Variants in MTHFD1 observed in about 807,000 individuals in gnomAD.
MTHFD1 encodes C-1-tetrahydrofolate synthase, cytoplasmic.
In MTHFD1, 44 loss-of-function variants were observed where a neutral mutation model predicts 110.3. That is an observed-to-expected ratio of 0.40 (90% CI 0.31 to 0.51). MTHFD1 has a LOEUF of 0.51. MTHFD1 is among the 20% of genes least tolerant of loss of function. The pLI is 0.60. For missense variants in MTHFD1, 909 were observed against 1,173.1 expected (o/e 0.77, Z 3.29); for synonymous variants, 402 against 428.8 (o/e 0.94, Z 0.77).
At chr14:64,388,618 A>C in intron 1 of MTHFD1, 150 bp downstream of exon 1, 1 of 763,036 alleles carries the variant, frequency 1.3e-6, no homozygotes, top group Non-Finnish European at 2.3e-6. Flanking sequence ...AAAGAAAGAG[A>C]ACCCGGGCAC....
chr14:64,442,464 A>G, intron 21 of MTHFD1, 62 bp downstream of exon 21: 3 of 1,548,606 alleles, frequency 1.9e-6, no homozygotes, highest in Non-Finnish European at 1.8e-6. Flanking sequence ...AGGAAGTTGG[A>G]TGACTTCTGC....
intron 2 of MTHFD1, among the ~76,000 whole-genome samples, chr14:64,407,941 A>G (rs2077948984): frequency 6.6e-6 from 1 of 152,212 alleles, no homozygotes; most frequent in African/African-American, 2.4e-5. Flanking sequence ...GACAGAATAC[A>G]GTTAATAAAC....
At position 64,441,407 on chromosome 14, in the gene MTHFD1, T is replaced by G; in HGVS notation, c.1838T>G (p.Val613Gly). ...TAGGGGGTGAGTGGTGCACTGACAG[T>G]GCTTATGAAGGACGCAATCAAGCCC... ...EDLGVSGALT[V>G]LMKDAIKPNL... The change falls in exon 19 of 28, where the codon GTG (valine) becomes GGG (glycine). Residue 613 changes from valine to glycine, a missense_variant. By Grantham distance (109) the Val-to-Gly change is moderately radical. Transcript: ENST00000652337. 2 of 1,614,052 alleles carry G rather than the reference T, an allele frequency of 1.2e-6. No individual in the cohort carries two copies. Among genetic ancestry groups the G allele is most frequent in the Non-Finnish European group, 1.7e-6 (2 of 1,179,956 alleles).
At chr14:64,418,794 G>C (rs568985423) in intron 7 of MTHFD1, among the ~76,000 whole-genome samples, 1 of 152,272 alleles carries the variant, frequency 6.6e-6, no homozygotes, top group South Asian at 2.1e-4. Context: ...GACCTCAGGT[G>C]ATCCACCTGC....
Position 64,397,825 on chromosome 14 carries a change from A to G in MTHFD1, c.42-2968A>G, listed in dbSNP as rs540549728. On this transcript the variant is annotated intron_variant, in intron 1 of 27. Transcript: ENST00000652337. The stretch of plus-strand genomic sequence containing the variant: ...GTCCATGTTATATTTTATTTTATTT[A>G]CTCATTTTTCTATATCCATAATAAG... Among the ~76,000 whole-genome samples, 3 of 151,828 alleles carry G rather than the reference A, an allele frequency of 2.0e-5. No individual in the cohort carries two copies. In the South Asian group the frequency reaches 6.3e-4, roughly 32 times the overall value.
chr14:64,454,968 A>G, intron 26 of MTHFD1, 93 bp downstream of exon 26: 1 of 1,301,854 alleles, frequency 7.7e-7, no homozygotes, highest in Middle Eastern at 1.8e-4. Context: ...AAGTGAGCAG[A>G]GTTCACTGCC....
At chr14:64,412,778 C>T (rs1189491924) in intron 4 of MTHFD1, among the ~76,000 whole-genome samples, 3 of 151,450 alleles carry the variant, frequency 2.0e-5, no homozygotes, top group Non-Finnish European at 2.9e-5. Flanking sequence ...GCTGGGATTA[C>T]AGGCGCCCAC....
chr14:64,408,004 C>T (rs1334969776), intron 2 of MTHFD1, among the ~76,000 whole-genome samples: 2 of 142,554 alleles, frequency 1.4e-5, no homozygotes, highest in South Asian at 4.4e-4. Flanking sequence ...AAAAATGAAC[C>T]AGTAGACCAA....
intron 9 of MTHFD1, 131 bp from the exon 10 acceptor site, chr14:64,425,599 T>G: frequency 1.2e-6 from 1 of 804,836 alleles, no homozygotes; most frequent in Non-Finnish European, 2.2e-6. Context: ...TTAGCTAGGA[T>G]TGAAGCATGG....
chr14:64,388,656 G>GT, intron 1 of MTHFD1, 188 bp downstream of exon 1: 1 of 668,700 alleles, frequency 1.5e-6, no homozygotes, highest in Non-Finnish European at 2.7e-6. Context: ...GGACTGCCTA[G>GT]TGGCTGTAGC....
chr14:64,412,341 T>C (rs2077991062), intron 3 of MTHFD1, 131 bp from the exon 4 acceptor site: 1 of 736,522 alleles, frequency 1.4e-6, no homozygotes, highest in East Asian at 2.7e-5. Context: ...AGTGAGGGAC[T>C]CATTCTTCAG....
intron 1 of MTHFD1, among the ~76,000 whole-genome samples, chr14:64,398,573 C>A (rs560619708): frequency 3.3e-5 from 5 of 152,176 alleles, no homozygotes; most frequent in East Asian, 1.9e-4. Flanking sequence ...AAATAAAAAT[C>A]AAAATAAATA....
intron 1 of MTHFD1, chr14:64,390,279 GT>G (rs1303542160): frequency 2.6e-5 from 4 of 151,494 alleles, no homozygotes; most frequent in Admixed American, 2.6e-4. Context: ...TTAATAATCA[GT>G]AATTAGTTAA....
intron 24 of MTHFD1, among the ~76,000 whole-genome samples, chr14:64,452,391 C>T (rs1487243444): frequency 6.6e-6 from 1 of 152,212 alleles, no homozygotes; most frequent in Non-Finnish European, 1.5e-5. Flanking sequence ...ATCCAAATTA[C>T]CCATGAGTAG....
chr14:64,459,873 C>A lies in MTHFD1; in HGVS notation c.*119C>A. ...AGAAGTCAGCCCCTGCCCAGAAGAT[C>A]TGAAACTAATAGTAGGAGTTTCCCC... On this transcript the variant is annotated 3_prime_UTR_variant, in exon 28 of 28. Coordinates refer to ENST00000652337, the MANE Select transcript of MTHFD1 (RefSeq NM_005956.4). The A allele has an allele frequency of 1.3e-6, 2 of 1,536,096 alleles. No individual in the cohort carries two copies. Among genetic ancestry groups the A allele is most frequent in the Non-Finnish European group, 1.7e-6 (2 of 1,146,858 alleles).
chr14:64,421,850 C>T (rs2078075889), intron 8 of MTHFD1, among the ~76,000 whole-genome samples: 2 of 152,136 alleles, frequency 1.3e-5, no homozygotes, highest in Non-Finnish European at 2.9e-5. Flanking sequence ...TGGTCTCGAT[C>T]TCCTGACCTC....
chr14:64,425,779 A>G lies in MTHFD1; in HGVS notation c.905A>G (p.Lys302Arg). The G allele has an allele frequency of 6.2e-7, 1 of 1,613,702 alleles. No homozygotes were observed. The highest frequency in any genetic ancestry group is 8.5e-7 in the Non-Finnish European group (1 of 1,180,000). Residue 302 changes from lysine (K) to arginine (R), a missense_variant, in exon 10 of 28, where the codon AAG becomes AGG. By Grantham distance (26) the Lys-to-Arg change is conservative (BLOSUM62 2). Coordinates refer to ENST00000652337, the MANE Select transcript of MTHFD1 (RefSeq NM_005956.4). ...TTCCTGGAGAAATTTAAGCCAGGAAAGTGGATGATTCAGTATAACAACCTT... is the reference window on the plus strand; with the variant it reads ...TTCCTGGAGAAATTTAAGCCAGGAAGGTGGATGATTCAGTATAACAACCTT... ...KRFLEKFKPG[K>R]WMIQYNNLNL...
intron 17 of MTHFD1, chr14:64,439,514 T>C (rs2078231892): frequency 2.9e-6 from 1 of 343,900 alleles, no homozygotes; most frequent in Admixed American, 4.3e-5. Context: ...TTCCCTTGTA[T>C]ATGAAAGAAA....
At chr14:64,411,522 G>A (rs1159233973) in intron 3 of MTHFD1, among the ~76,000 whole-genome samples, 1 of 152,214 alleles carries the variant, frequency 6.6e-6, no homozygotes, top group Non-Finnish European at 1.5e-5. Context: ...TTATTGAAAA[G>A]TACACGTTTT....
Sources: gnomAD v4.1 joint callset for allele counts (sites outside exome capture counted in the v4.1 genomes callset) on GRCh38, gnomAD v4.1.1 for gene constraint, MANE v1.5 for transcripts, NCBI Gene and HGNC (gene_info 2026-07-23, HGNC 2026-07-21) for gene names.